Variants in NMU observed in about 807,000 individuals in gnomAD.
NMU encodes neuromedin-U.
NMU carries 29 observed loss-of-function variants against 35.4 expected under a neutral mutation model. The observed-to-expected ratio is 0.82, with a 90% CI of 0.61 to 1.12. The LOEUF is 1.12. Among genes scored for constraint, NMU ranks in the 50% most tolerant of loss-of-function variants. The pLI is 0.00. For missense variants in NMU, 199 were observed against 206.2 expected (o/e 0.97, Z 0.21); for synonymous variants, 78 against 81.3 (o/e 0.96, Z 0.22).
intron 7 of NMU, among the ~76,000 whole-genome samples, chr4:55,602,001 AAAT>A (rs1292273847): frequency 1.3e-5 from 2 of 152,154 alleles, no homozygotes; most frequent in African/African-American, 2.4e-5. Flanking sequence ...TGTCTCAAAA[AAAT>A]AATAATAATA....
At chr4:55,602,798 T>C (rs1733478309) in intron 7 of NMU, among the ~76,000 whole-genome samples, 1 of 152,192 alleles carries the variant, frequency 6.6e-6, no homozygotes, top group African/African-American at 2.4e-5. Flanking sequence ...TCAGATATTG[T>C]CTTCTTTGAT....
intron 1 of NMU, among the ~76,000 whole-genome samples, chr4:55,634,844 T>C (rs1715809764): frequency 6.6e-6 from 1 of 152,188 alleles, no homozygotes; most frequent in Non-Finnish European, 1.5e-5. Context: ...AGCCAAGTTA[T>C]CTTGCTTTTC....
rs1733738856 is a variant in NMU, at chr4:55,607,474, A to C, written c.280-8T>G. The C allele has an allele frequency of 1.1e-6, 1 of 923,902 alleles. No individual in the cohort carries two copies. Among genetic ancestry groups the C allele is most frequent in the Non-Finnish European group, 1.7e-6 (1 of 584,108 alleles). The allele number at this position is 923,902 out of a possible 1,614,324, so 57.2% of individuals were successfully genotyped here. On this transcript the variant is annotated splice_polypyrimidine_tract_variant and splice_region_variant and intron_variant, in intron 4 of 9. Transcript: ENST00000264218. ...ATCTTTTTCATCTTGTTCCTATTGA[A>C]AAGAGATATTGTATATATCATTATA...
intron 9 of NMU, among the ~76,000 whole-genome samples, chr4:55,595,626 T>G: frequency 1.3e-5 from 1 of 79,850 alleles, no homozygotes; most frequent in East Asian, 2.8e-4. Flanking sequence ...TGTGTGTGTA[T>G]ATATATATAT....
chr4:55,618,376 C>A (rs911287225), intron 2 of NMU, among the ~76,000 whole-genome samples: 1 of 151,966 alleles, frequency 6.6e-6, no homozygotes, highest in African/African-American at 2.4e-5. Flanking sequence ...CCTTGCCCCC[C>A]AACACCCCCG....
chr4:55,599,240 T>A, intron 8 of NMU, 59 bp from the exon 9 acceptor site: 1 of 1,322,204 alleles, frequency 7.6e-7, no homozygotes, highest in Non-Finnish European at 1.1e-6. Flanking sequence ...CTAACAGTCA[T>A]AGAAACAGAT....
chr4:55,607,263 A>G (rs750068098), intron 6 of NMU, 35 bp downstream of exon 6: 3 of 1,462,096 alleles, frequency 2.1e-6, no homozygotes, highest in African/African-American at 2.8e-5. Flanking sequence ...TTAAACAAAT[A>G]TTAGTGATTA....
intron 1 of NMU, 33 bp from the exon 2 acceptor site, chr4:55,630,493 T>C: frequency 6.5e-7 from 1 of 1,527,372 alleles, no homozygotes; most frequent in East Asian, 2.3e-5. Flanking sequence ...AGATTAATTT[T>C]ATAGCATTTC....
chr4:55,607,491 A>T (rs965028275), intron 4 of NMU, 25 bp from the exon 5 acceptor site: 1 of 790,582 alleles, frequency 1.3e-6, no homozygotes. Context: ...TATTGTATAT[A>T]TCATTATATA....
At chr4:55,603,023 A>G (rs1211544570) in intron 7 of NMU, among the ~76,000 whole-genome samples, 2 of 152,168 alleles carry the variant, frequency 1.3e-5, no homozygotes, top group South Asian at 4.1e-4. Context: ...TTTGAGATGG[A>G]GTCTTGCTCT....
At chr4:55,618,138 G>T (rs914368989) in intron 2 of NMU, among the ~76,000 whole-genome samples, 3 of 152,130 alleles carry the variant, frequency 2.0e-5, no homozygotes, top group Admixed American at 2.0e-4. Flanking sequence ...AAAATGTTTA[G>T]GTCTCTACAT....
At chr4:55,607,014 T>C (rs28377791) in intron 6 of NMU, among the ~76,000 whole-genome samples, 45,380 of 152,084 alleles carry the variant, frequency 0.3, 7,343 homozygotes, top group Middle Eastern at 0.43. Context: ...TATTTATTGC[T>C]ATATTTCTAG....
intron 2 of NMU, among the ~76,000 whole-genome samples, chr4:55,628,783 C>T (rs543350888): frequency 3.3e-5 from 5 of 152,008 alleles, no homozygotes; most frequent in South Asian, 2.1e-4. Flanking sequence ...CCACCACACC[C>T]GGCCTTATTT....
At chr4:55,636,380 C>A (rs1715935507), upstream of NMU, 2 of 869,046 alleles carry the variant, frequency 2.3e-6, no homozygotes, top group Admixed American at 4.3e-5. This position sits in a 1 kb window ranked among gnomAD's most constrained non-coding sequence, Gnocchi z 4.0. Context: ...GTCACCTCGC[C>A]GCCTGCCGCC....
chr4:55,607,492 T>A lies in NMU; in HGVS notation c.280-26A>T, dbSNP rs773154516. 5.1e-6 allele frequency: 4 copies of A among 789,434 alleles called. No homozygotes were observed. In the African/African-American group the frequency reaches 5.3e-5, roughly 10 times the overall value. The allele number at this position is 789,434 out of a possible 1,614,324, so 48.9% of individuals were successfully genotyped here. Reference sequence around the variant, plus strand: ...CTATTGAAAAGAGATATTGTATATATCATTATATATTGTAAAATTTTACTA... The same window carrying A: ...CTATTGAAAAGAGATATTGTATATAACATTATATATTGTAAAATTTTACTA... On this transcript the variant is annotated intron_variant, in intron 4 of 9. Transcript: ENST00000264218.
chr4:55,618,637 T>A (rs956661033), intron 2 of NMU, among the ~76,000 whole-genome samples: 10 of 151,802 alleles, frequency 6.6e-5, no homozygotes, highest in African/African-American at 1.9e-4. Flanking sequence ...TTCTTTCTTT[T>A]CTTCTCTCTT....
chr4:55,625,588 A>G (rs1734493558), intron 2 of NMU, among the ~76,000 whole-genome samples: 6 of 151,946 alleles, frequency 3.9e-5, no homozygotes, highest in Admixed American at 3.9e-4. Flanking sequence ...TACAAAGGGT[A>G]CTCTTCTCAG....
At position 55,603,924 on chromosome 4, in the gene NMU, A is replaced by AT. The variant is rs1252048192; in HGVS notation, c.435+1350_435+1351insA. ...AAGAGTCCGTCTCAAAAAAAAAAAA[A>AT]AAATATATATATATATATATATGTA... On this transcript the variant is annotated intron_variant, in intron 7 of 9. Transcript: ENST00000264218. Among the ~76,000 whole-genome samples, 246 of 52,216 alleles carry AT rather than the reference A, an allele frequency of 4.7e-3. 26 individuals carry two copies. The highest frequency in any genetic ancestry group is 0.014 in the South Asian group (25 of 1,756). 34.3% of individuals were successfully genotyped at this position (52,216 alleles called of 152,430 possible). A position where few individuals can be genotyped will look rare whatever the true frequency, so the allele number is the denominator to read the frequency against.
At chr4:55,616,931 A>G (rs1734129767) in intron 2 of NMU, among the ~76,000 whole-genome samples, 1 of 151,468 alleles carries the variant, frequency 6.6e-6, no homozygotes, top group Admixed American at 6.6e-5. Flanking sequence ...TACAGTTGGC[A>G]ACTAACTATT....
Sources: allele counts gnomAD v4.1 joint callset (sites outside exome capture counted in the v4.1 genomes callset), GRCh38; gene constraint gnomAD v4.1.1; non-coding constraint Gnocchi (gnomAD v3.1); transcripts MANE v1.5; gene names NCBI Gene and HGNC (gene_info 2026-07-23, HGNC 2026-07-21).